The following SPPL3 variants were observed in gnomAD, a reference collection of about 807,000 sequenced individuals.
SPPL3 encodes the protein signal peptide peptidase-like 3.
A neutral mutation model predicts 42.4 loss-of-function variants in SPPL3; 5 were observed. The observed-to-expected ratio is 0.12, with a 90% confidence interval of 0.06 to 0.25. SPPL3 has a LOEUF of 0.25. SPPL3 is among the 10% of genes least tolerant of loss of function. The pLI is 1.00. For synonymous variants in SPPL3, 195 were observed against 181.8 expected, an observed-to-expected ratio of 1.07 and a Z score of -0.58; for missense variants, 235 against 489.0, an observed-to-expected ratio of 0.48 and a Z score of 4.90.
chr12:120,870,217 G>C (rs921431830), intron 1 of SPPL3, among the ~76,000 whole-genome samples: 15 of 152,006 alleles, frequency 9.9e-5, no homozygotes, highest in South Asian at 2.1e-4. Flanking sequence ...AGGCTGAGGC[G>C]GGTGGATCAC....
chr12:120,804,680 C>G (rs1769831808), intron 2 of SPPL3, among the ~76,000 whole-genome samples: 1 of 152,122 alleles, frequency 6.6e-6, no homozygotes, highest in Non-Finnish European at 1.5e-5. Context: ...CCTTGGAAAA[C>G]AGAAGCATTT....
chr12:120,775,723 G>C (rs1199002758), intron 6 of SPPL3, among the ~76,000 whole-genome samples: 1 of 152,160 alleles, frequency 6.6e-6, no homozygotes, highest in Non-Finnish European at 1.5e-5. Flanking sequence ...AAATTTGAAA[G>C]GTTAATTTGC....
intron 1 of SPPL3, among the ~76,000 whole-genome samples, chr12:120,859,025 T>A (rs1742890485): frequency 6.6e-6 from 1 of 152,246 alleles, no homozygotes; most frequent in Non-Finnish European, 1.5e-5. Context: ...AATTTTGTTC[T>A]GCCTCATTGC....
intron 2 of SPPL3, among the ~76,000 whole-genome samples, chr12:120,799,086 T>G (rs1026609303): frequency 4.6e-5 from 7 of 152,222 alleles, no homozygotes; most frequent in Non-Finnish European, 7.3e-5. Context: ...TGACTTACAA[T>G]GGAGTTATAT....
At chr12:120,766,883 C>T (rs755634520) in intron 9 of SPPL3, among the ~76,000 whole-genome samples, 1 of 152,106 alleles carries the variant, frequency 6.6e-6, no homozygotes, top group Non-Finnish European at 1.5e-5. Context: ...GGAGGACGTA[C>T]GGAGTGCAAA....
At chr12:120,870,879 G>T (rs1872897572) in intron 1 of SPPL3, among the ~76,000 whole-genome samples, 1 of 152,000 alleles carries the variant, frequency 6.6e-6, no homozygotes, top group Non-Finnish European at 1.5e-5. Context: ...TTAAGAAGAT[G>T]AACTTTGGGA....
chr12:120,817,078 C>T (rs1331930805), intron 1 of SPPL3, among the ~76,000 whole-genome samples: 9 of 151,564 alleles, frequency 5.9e-5, no homozygotes, highest in Non-Finnish European at 1.5e-5. Context: ...TTACTTGAGC[C>T]CAGGAGTTCA....
chr12:120,853,121 T>G (rs1421098324), intron 1 of SPPL3, among the ~76,000 whole-genome samples: 7 of 151,940 alleles, frequency 4.6e-5, no homozygotes, highest in Non-Finnish European at 1.0e-4. Context: ...GGTCTTGAAC[T>G]CCTGACCTCA....
chr12:120,784,614 G>C, intron 3 of SPPL3, 21 bp from the exon 4 acceptor site: 1 of 1,586,046 alleles, frequency 6.3e-7, no homozygotes. Flanking sequence ...AAAACAGACA[G>C]ATTAATAACT....
chr12:120,893,186 C>T (rs1216474910), intron 1 of SPPL3, among the ~76,000 whole-genome samples: 2 of 151,900 alleles, frequency 1.3e-5, no homozygotes, highest in East Asian at 3.9e-4. Flanking sequence ...TGCAGTGGCT[C>T]ACGCCTGTAA....
chr12:120,869,063 G>C (rs578229998), intron 1 of SPPL3, among the ~76,000 whole-genome samples: 79 of 152,192 alleles, frequency 5.2e-4, no homozygotes, highest in African/African-American at 1.8e-3. Flanking sequence ...GGGGAATAAA[G>C]AAAAGGAAGC....
At chr12:120,830,459 A>G (rs1482008815) in intron 1 of SPPL3, among the ~76,000 whole-genome samples, 3 of 2,518 alleles carry the variant, frequency 1.2e-3, no homozygotes, top group East Asian at 0.02. Context: ...GGGAGGGGGA[A>G]GGGGAGGGGG....
At chr12:120,884,244 G>T (rs142753811) in intron 1 of SPPL3, among the ~76,000 whole-genome samples, 1 of 152,090 alleles carries the variant, frequency 6.6e-6, no homozygotes, top group South Asian at 2.1e-4. Flanking sequence ...AGTACAAAGG[G>T]GGCTTCCAGA....
intron 1 of SPPL3, among the ~76,000 whole-genome samples, chr12:120,876,281 A>G (rs1873082735): frequency 6.6e-6 from 1 of 152,122 alleles, no homozygotes; most frequent in South Asian, 2.1e-4. Context: ...TAAATAACTC[A>G]TGGGTCAAAG....
chr12:120,783,767 G>T lies in SPPL3; in HGVS notation c.311-15C>A. On this transcript the variant is annotated splice_polypyrimidine_tract_variant and intron_variant, in intron 4 of 10. Transcript: ENST00000353487. ...CGTTGCAAGAACTAGAGAAAGAAAA[G>T]GTATAATTTTTTAAAACAATTATAA... 6.2e-7 allele frequency: 1 copy of T among 1,610,212 alleles called. No individual in the cohort carries two copies. Among genetic ancestry groups the T allele is most frequent in the Non-Finnish European group, 8.5e-7 (1 of 1,177,826 alleles).
chr12:120,807,985 G>A (rs1690327803), intron 2 of SPPL3, among the ~76,000 whole-genome samples: 1 of 151,678 alleles, frequency 6.6e-6, no homozygotes. Context: ...TGGAGGTCCT[G>A]AAAACTGTTT....
intron 1 of SPPL3, among the ~76,000 whole-genome samples, chr12:120,868,200 G>A (rs1037451468): frequency 2.0e-4 from 30 of 151,942 alleles, no homozygotes; most frequent in African/African-American, 4.8e-4. Context: ...TGGGTGCAGT[G>A]AGCCATGATC....
chr12:120,772,147 G>T (rs112550588), intron 6 of SPPL3, among the ~76,000 whole-genome samples: 1 of 152,006 alleles, frequency 6.6e-6, no homozygotes, highest in Non-Finnish European at 1.5e-5. Context: ...TCAGCCTCCC[G>T]AGTAGCCGGG....
intron 7 of SPPL3, 79 bp downstream of exon 7, chr12:120,768,874 T>A: frequency 7.8e-7 from 1 of 1,281,550 alleles, no homozygotes; most frequent in Non-Finnish European, 1.1e-6. Context: ...TTTGGATACT[T>A]CTAGTTAATA....
Sources: gnomAD v4.1 joint callset for allele counts (sites outside exome capture counted in the v4.1 genomes callset) on GRCh38, gnomAD v4.1.1 for gene constraint, MANE v1.5 for transcripts, NCBI Gene and HGNC (gene_info 2026-07-23, HGNC 2026-07-21) for gene names.